The following ADAMTS19 variants were observed in gnomAD, a reference collection of about 807,000 sequenced individuals.
ADAMTS19 encodes the protein ADAM metallopeptidase with thrombospondin type 1 motif 19, also known as A disintegrin and metalloproteinase with thrombospondin motifs 19.
In ADAMTS19, 93 loss-of-function variants were observed where a neutral mutation model predicts 153.3. That is an observed-to-expected ratio of 0.61 (90% CI 0.51 to 0.72). The LOEUF is 0.72. ADAMTS19 is among the 30% of genes least tolerant of loss of function. The probability of loss-of-function intolerance (pLI) is 0.00; values close to 1 mark genes in which losing one functional copy is unlikely to be tolerated. For missense variants in ADAMTS19, 1,482 were observed against 1,552.1 expected, an observed-to-expected ratio of 0.95 and a Z score of 0.76; for synonymous variants, 600 against 556.6, an observed-to-expected ratio of 1.08 and a Z score of -1.10.
chr5:129,705,783 G>A (rs1243351842), intron 21 of ADAMTS19, among the ~76,000 whole-genome samples: 2 of 152,154 alleles, frequency 1.3e-5, no homozygotes, highest in Non-Finnish European at 2.9e-5. Flanking sequence ...AGGATAATAG[G>A]GAAAGACAGT....
intron 3 of ADAMTS19, among the ~76,000 whole-genome samples, chr5:129,518,886 T>G (rs1751698052): frequency 2.0e-5 from 3 of 152,164 alleles, no homozygotes. Context: ...TTATTCTTTT[T>G]TGTTTTGTCT....
At chr5:129,736,628 A>G (rs1408531925) in intron 22 of ADAMTS19, among the ~76,000 whole-genome samples, 1 of 152,130 alleles carries the variant, frequency 6.6e-6, no homozygotes, top group African/African-American at 2.4e-5. Flanking sequence ...TAGGAATATG[A>G]AATAACTGTG....
At chr5:129,475,618 G>T (rs143307550) in intron 2 of ADAMTS19, among the ~76,000 whole-genome samples, 185 of 152,176 alleles carry the variant, frequency 1.2e-3, no homozygotes, top group Middle Eastern at 6.8e-3. Flanking sequence ...AGATCACTTG[G>T]GGTCAGGAGT....
At chr5:129,731,969 C>T (rs2127221302) in intron 21 of ADAMTS19, among the ~76,000 whole-genome samples, 1 of 152,150 alleles carries the variant, frequency 6.6e-6, no homozygotes, top group South Asian at 2.1e-4. Flanking sequence ...CATTTCCCCT[C>T]TTACATATAG....
intron 10 of ADAMTS19, among the ~76,000 whole-genome samples, chr5:129,623,122 A>G (rs1345421090): frequency 6.6e-6 from 1 of 152,214 alleles, no homozygotes; most frequent in Admixed American, 6.5e-5. Flanking sequence ...TATAGGAACA[A>G]AAATTAAGAG....
intron 20 of ADAMTS19, among the ~76,000 whole-genome samples, chr5:129,702,941 A>AAAATATATATATATATATATAT: frequency 7.9e-4 from 23 of 29,264 alleles, no homozygotes; most frequent in East Asian, 1.3e-3. Flanking sequence ...AAAAAAAAAA[A>AAAATATATATATATATATATAT]ATATATATAT....
Position 129,652,199 on chromosome 5 carries a change from T to C in ADAMTS19, c.2177-2107T>C, listed in dbSNP as rs191904355. Among the ~76,000 whole-genome samples the C allele has an allele frequency of 1.3e-3, 191 of 152,286 alleles. 4 individuals are homozygous for C. The East Asian group carries it at 0.015, about 12-fold the overall frequency. ...ATTTGTGATGATTTTGCAACACGTA[T>C]CAATCAAACTCATCAGTCTATATTT... is the stretch of plus-strand genomic sequence containing the variant. On this transcript the variant is annotated intron_variant, in intron 13 of 22. Transcript: ENST00000274487.
chr5:129,719,766 C>T (rs757260265), intron 21 of ADAMTS19, among the ~76,000 whole-genome samples: 62 of 152,088 alleles, frequency 4.1e-4, no homozygotes, highest in Admixed American at 3.3e-4. Flanking sequence ...ATCAGCTGGG[C>T]GCAGTGGCCC....
intron 2 of ADAMTS19, among the ~76,000 whole-genome samples, chr5:129,469,576 G>A (rs1396467449): frequency 6.6e-6 from 1 of 152,064 alleles, no homozygotes; most frequent in Non-Finnish European, 1.5e-5. Context: ...TGTGCAAAAG[G>A]TTTATGTATA....
At chr5:129,728,565 T>C (rs1406081554) in intron 21 of ADAMTS19, among the ~76,000 whole-genome samples, 2 of 152,102 alleles carry the variant, frequency 1.3e-5, no homozygotes, top group African/African-American at 4.8e-5. Flanking sequence ...GGGGTCTGGA[T>C]CAGAGGCCCT....
chr5:129,533,701 A>T (rs377492826), intron 6 of ADAMTS19, among the ~76,000 whole-genome samples: 1 of 151,562 alleles, frequency 6.6e-6, no homozygotes, highest in Non-Finnish European at 1.5e-5. Flanking sequence ...TGTCAATTTT[A>T]GATCTTTCCT....
At chr5:129,463,195 A>T (rs982063924) in intron 2 of ADAMTS19, among the ~76,000 whole-genome samples, 3 of 152,192 alleles carry the variant, frequency 2.0e-5, no homozygotes, top group African/African-American at 7.2e-5. Context: ...ATAATCACAT[A>T]TAGAAAGTTC....
At chr5:129,555,084 G>C (rs563789092) in intron 7 of ADAMTS19, among the ~76,000 whole-genome samples, 5 of 152,080 alleles carry the variant, frequency 3.3e-5, no homozygotes, top group Non-Finnish European at 5.9e-5. Flanking sequence ...TATAACCGAT[G>C]TGAAGTCAGC....
chr5:129,667,577 A>C (rs1026959882), intron 16 of ADAMTS19, among the ~76,000 whole-genome samples: 5 of 151,986 alleles, frequency 3.3e-5, no homozygotes, highest in African/African-American at 9.7e-5. Flanking sequence ...GTTACTTAAA[A>C]GTATGTGGTA....
chr5:129,553,983 G>A (rs986724126), intron 7 of ADAMTS19, among the ~76,000 whole-genome samples: 4 of 151,838 alleles, frequency 2.6e-5, no homozygotes, highest in Non-Finnish European at 4.4e-5. Context: ...AAAATGCAGC[G>A]ATAACAAAAA....
chr5:129,634,515 A>T (rs1006864378), intron 10 of ADAMTS19, among the ~76,000 whole-genome samples: 1 of 152,198 alleles, frequency 6.6e-6, no homozygotes. Flanking sequence ...GCATGATGTT[A>T]CCTGACTTCA....
At chr5:129,595,403 A>G (rs1168641959) in intron 7 of ADAMTS19, among the ~76,000 whole-genome samples, 1 of 152,066 alleles carries the variant, frequency 6.6e-6, no homozygotes, top group Non-Finnish European at 1.5e-5. Context: ...GAATCTTCTA[A>G]CTTTGCCACA....
chr5:129,725,821 G>A (rs1048420621), intron 21 of ADAMTS19, among the ~76,000 whole-genome samples: 1 of 152,018 alleles, frequency 6.6e-6, no homozygotes, highest in Non-Finnish European at 1.5e-5. Context: ...TTGGCTGAGG[G>A]GAGGGGTCCA....
intron 2 of ADAMTS19, among the ~76,000 whole-genome samples, chr5:129,476,384 A>C (rs1369290512): frequency 6.6e-6 from 1 of 152,120 alleles, no homozygotes; most frequent in Non-Finnish European, 1.5e-5. Flanking sequence ...CCCAGGATTC[A>C]GACTCCAGAT....
Sources: gnomAD v4.1 joint callset for allele counts (sites outside exome capture counted in the v4.1 genomes callset) on GRCh38, gnomAD v4.1.1 for gene constraint, MANE v1.5 for transcripts, NCBI Gene and HGNC (gene_info 2026-07-23, HGNC 2026-07-21) for gene names.